Variants in DYRK1A observed in about 807,000 individuals in gnomAD.
The protein encoded by DYRK1A is dual specificity tyrosine phosphorylation regulated kinase 1A, also known as dual specificity tyrosine-phosphorylation-regulated kinase 1A.
Under a neutral mutation model 79.7 loss-of-function variants are expected in DYRK1A, and 9 were observed. The ratio of observed to expected loss-of-function variants is 0.11; its 90% confidence interval spans 0.07 to 0.20. The LOEUF is 0.20. Among genes scored for constraint, DYRK1A ranks in the 10% least tolerant of loss-of-function variants. DYRK1A has a pLI of 1.00. For synonymous variants in DYRK1A, 349 were observed against 329.7 expected (o/e 1.06, Z -0.63); for missense variants, 622 against 956.0 (o/e 0.65, Z 4.61).
At chr21:37,381,316 A>G (rs902354815) in intron 1 of DYRK1A, among the ~76,000 whole-genome samples, 17 of 152,244 alleles carry the variant, frequency 1.1e-4, no homozygotes, top group Admixed American at 2.0e-4. Context: ...AGAAAGTTCT[A>G]TGTAGTCAGG....
chr21:37,443,122 C>T (rs967742936), intron 2 of DYRK1A, among the ~76,000 whole-genome samples: 1 of 152,152 alleles, frequency 6.6e-6, no homozygotes, highest in Non-Finnish European at 1.5e-5. Flanking sequence ...CTGTCCGCAA[C>T]CATAGACCAG....
chr21:37,373,082 A>G (rs1392898885), intron 1 of DYRK1A, among the ~76,000 whole-genome samples: 1 of 146,336 alleles, frequency 6.8e-6, no homozygotes, highest in Non-Finnish European at 1.6e-5. Flanking sequence ...TTAGATTCAT[A>G]GAATGATAGA....
In DYRK1A at chr21:37,514,387, G is replaced by A. The variant is rs1449172418; in HGVS notation, c.*1856G>A. ...GGTTGAATTGGGAGAATGAAGATAA[G>A]TAATTTACCTGTCCAGGATCAAAAG... On this transcript the variant is annotated 3_prime_UTR_variant, in exon 12 of 12. Transcript: ENST00000647188. 2.0e-5 allele frequency: 3 copies of A among 152,610 alleles called. No individual in the cohort carries two copies. Among genetic ancestry groups the A allele is most frequent in the Non-Finnish European group, 4.4e-5 (3 of 68,032 alleles). The allele number at this position is 152,610 out of a possible 1,614,324, so 9.5% of individuals were successfully genotyped here.
chr21:37,462,117 G>C (rs2051859578), intron 2 of DYRK1A, among the ~76,000 whole-genome samples: 1 of 151,848 alleles, frequency 6.6e-6, no homozygotes, highest in African/African-American at 2.4e-5. Context: ...TCATAATAGT[G>C]GTTTTGGTCT....
chr21:37,459,811 C>G (rs2051779269), intron 2 of DYRK1A, among the ~76,000 whole-genome samples: 1 of 152,138 alleles, frequency 6.6e-6, no homozygotes, highest in Non-Finnish European at 1.5e-5. Context: ...GCAGGGCTGT[C>G]CAGTGAGTCA....
intron 1 of DYRK1A, among the ~76,000 whole-genome samples, chr21:37,417,606 A>AC (rs2050382384): frequency 8.1e-6 from 1 of 123,642 alleles, no homozygotes; most frequent in East Asian, 2.3e-4. Context: ...TTTCTCCCCA[A>AC]CCCCTGCCTG....
intron 1 of DYRK1A, among the ~76,000 whole-genome samples, chr21:37,417,495 T>TTTTTA (rs2050366879): frequency 1.2e-4 from 17 of 146,548 alleles, no homozygotes; most frequent in Non-Finnish European, 2.0e-4. Flanking sequence ...GGCCTTGTAT[T>TTTTTA]TTTTATTTTT....
chr21:37,398,702 G>A (rs181427784), intron 1 of DYRK1A, among the ~76,000 whole-genome samples: 11 of 152,274 alleles, frequency 7.2e-5, no homozygotes, highest in East Asian at 3.9e-4. Context: ...TTGTCTGCCC[G>A]TATGGAAGTT....
intron 1 of DYRK1A, among the ~76,000 whole-genome samples, chr21:37,398,585 T>C (rs73413134): frequency 6.6e-6 from 1 of 152,206 alleles, no homozygotes; most frequent in East Asian, 1.9e-4. Context: ...TAGATACTTT[T>C]GTTTTTACAT....
At chr21:37,460,564 T>A (rs1187991717) in intron 2 of DYRK1A, among the ~76,000 whole-genome samples, 2 of 152,228 alleles carry the variant, frequency 1.3e-5, no homozygotes, top group Non-Finnish European at 1.5e-5. Context: ...CTCCAGACTT[T>A]GTCTTGAGAC....
chr21:37,463,203 CGT>C (rs6147501), intron 2 of DYRK1A, among the ~76,000 whole-genome samples: 7,938 of 145,314 alleles, frequency 0.055, 222 homozygotes, highest in Non-Finnish European at 0.061. Context: ...AATGTTGGCA[CGT>C]GTGTGTGTGT....
At chr21:37,388,820 A>G (rs947313916) in intron 1 of DYRK1A, among the ~76,000 whole-genome samples, 1 of 151,052 alleles carries the variant, frequency 6.6e-6, no homozygotes, top group Non-Finnish European at 1.5e-5. Flanking sequence ...AATTTTTTGT[A>G]TTTTTAGTAG....
chr21:37,443,868 C>G (rs936185803), intron 2 of DYRK1A, among the ~76,000 whole-genome samples: 6 of 152,138 alleles, frequency 3.9e-5, no homozygotes, highest in Non-Finnish European at 8.8e-5. Flanking sequence ...TAGTGCCTAC[C>G]CTGATGACCT....
chr21:37,377,124 T>G (rs527432830), intron 1 of DYRK1A, among the ~76,000 whole-genome samples: 5 of 152,262 alleles, frequency 3.3e-5, no homozygotes, highest in Admixed American at 1.3e-4. Context: ...TTTTTATTTA[T>G]TTAGTTAGTT....
chr21:37,493,658 G>GGT (rs1416300666), intron 8 of DYRK1A, among the ~76,000 whole-genome samples: 1 of 152,180 alleles, frequency 6.6e-6, no homozygotes, highest in Non-Finnish European at 1.5e-5. Context: ...CTGTGTTCTG[G>GGT]AAGATTTTTC....
chr21:37,473,818 A>AT (rs35607936), intron 3 of DYRK1A, among the ~76,000 whole-genome samples: 64,394 of 152,064 alleles, frequency 0.42, 14,603 homozygotes, highest in African/African-American at 0.59. Context: ...AATAAGATGA[A>AT]TTTGGCAGGA....
intron 1 of DYRK1A, among the ~76,000 whole-genome samples, chr21:37,394,226 C>CTTT (rs10593016): frequency 2.8e-5 from 4 of 143,992 alleles, no homozygotes; most frequent in Non-Finnish European, 4.6e-5. Flanking sequence ...TTTTTAAACC[C>CTTT]TTTTTTTTTT....
At position 37,506,133 on chromosome 21, in the gene DYRK1A, C is replaced by G. The variant is rs1335824926; in HGVS notation, c.1554C>G (p.Ala518=). 6.2e-7 allele frequency: 1 copy of G among 1,613,718 alleles called. No individual in the cohort carries two copies. The part of the protein sequence containing the change: ...GSSGTSNSGR[A]RSDPTHQHRH... ...CGGGGACAAGCAACAGTGGGAGAGC[C>G]CGGTCGGATCCGACGCACCAGCATC... Residue 518 remains alanine (A), a synonymous_variant, in exon 11 of 12, where the codon GCC becomes GCG. Coordinates refer to ENST00000647188, the MANE Select transcript of DYRK1A (RefSeq NM_001347721.2).
chr21:37,420,139 CT>C (rs1244562421), intron 1 of DYRK1A, 159 bp from the exon 2 acceptor site: 1 of 336,872 alleles, frequency 3.0e-6, no homozygotes, highest in Non-Finnish European at 5.4e-6. Flanking sequence ...TTATTGAAGA[CT>C]AAGGAAAATT....
Sources: allele counts gnomAD v4.1 joint callset (sites outside exome capture counted in the v4.1 genomes callset), GRCh38; gene constraint gnomAD v4.1.1; transcripts MANE v1.5; gene names NCBI Gene and HGNC (gene_info 2026-07-23, HGNC 2026-07-21).